ANKRD26: variants seen among roughly 807,000 people sequenced by gnomAD.
The protein encoded by ANKRD26 is ankyrin repeat domain 26.
Under a neutral mutation model 208.7 loss-of-function variants are expected in ANKRD26, and 141 were observed. That is an observed-to-expected ratio of 0.68 (90% CI 0.59 to 0.78). ANKRD26 has a LOEUF of 0.78. Ranked by LOEUF, ANKRD26 falls within the 30% of genes least tolerant of loss-of-function variation. ANKRD26 has a pLI of 0.00. For missense variants in ANKRD26, 1,889 were observed against 1,938.7 expected (o/e 0.97, Z 0.48); for synonymous variants, 636 against 660.4 (o/e 0.96, Z 0.57).
At chr10:27,053,873 T>C (rs1028707915) in intron 15 of ANKRD26, among the ~76,000 whole-genome samples, 1 of 152,244 alleles carries the variant, frequency 6.6e-6, no homozygotes, top group African/African-American at 2.4e-5. Flanking sequence ...TCTATAACAG[T>C]ATCTTTTTAA....
chr10:27,081,672 T>C (rs558573746), intron 6 of ANKRD26, among the ~76,000 whole-genome samples: 2 of 151,604 alleles, frequency 1.3e-5, no homozygotes, highest in Non-Finnish European at 2.9e-5. Flanking sequence ...CTGGCAGAAA[T>C]GGAAAAAAAT....
At chr10:27,086,208 T>C (rs1172258919) in intron 5 of ANKRD26, among the ~76,000 whole-genome samples, 13 of 152,256 alleles carry the variant, frequency 8.5e-5, no homozygotes, top group Non-Finnish European at 1.8e-4. Flanking sequence ...TTATAACAAG[T>C]CTAGTTCATT....
chr10:26,982,087 CAGA>C (rs2052317393), intron 4 of ANKRD26, among the ~76,000 whole-genome samples: 1 of 152,124 alleles, frequency 6.6e-6, no homozygotes, highest in South Asian at 2.1e-4. Context: ...GACAATATGG[CAGA>C]AGAAGCAGTC....
At chr10:26,972,017 C>T (rs1214780367), downstream of ANKRD26, among the ~76,000 whole-genome samples, 3 of 152,134 alleles carry the variant, frequency 2.0e-5, no homozygotes, top group Non-Finnish European at 2.9e-5. Flanking sequence ...GGGCGGATCA[C>T]AAAGTCAGGA....
intron 16 of ANKRD26, chr10:27,051,247 T>A: frequency 7.8e-7 from 1 of 1,289,794 alleles, no homozygotes; most frequent in Non-Finnish European, 1.0e-6. Context: ...TTATAGTTAT[T>A]AGCACTGCAA....
the ANKRD26 span, among the ~76,000 whole-genome samples, chr10:26,958,939 G>T: frequency 6.6e-6 from 1 of 152,168 alleles, no homozygotes; most frequent in Admixed American, 6.5e-5. Context: ...GTGTAAAAGT[G>T]TTCCTTTTTC....
At chr10:27,074,533 T>C (rs1275181600) in intron 9 of ANKRD26, among the ~76,000 whole-genome samples, 4 of 151,990 alleles carry the variant, frequency 2.6e-5, no homozygotes, top group Non-Finnish European at 5.9e-5. Flanking sequence ...ATACAAAAAT[T>C]AGCTGGACAT....
chr10:27,066,619 T>G, intron 10 of ANKRD26, 71 bp from the exon 11 acceptor site: 1 of 983,850 alleles, frequency 1.0e-6, no homozygotes, highest in Non-Finnish European at 1.5e-6. Flanking sequence ...CATAATTAAA[T>G]ACATATACAA....
intron 5 of ANKRD26, among the ~76,000 whole-genome samples, chr10:26,994,077 C>T (rs144080879): frequency 1.5e-3 from 224 of 152,332 alleles, no homozygotes; most frequent in African/African-American, 5.0e-3. Context: ...CTATCATACA[C>T]TAAATATAGG....
At chr10:27,047,033 T>C (rs1236200704) in intron 17 of ANKRD26, among the ~76,000 whole-genome samples, 1 of 151,968 alleles carries the variant, frequency 6.6e-6, no homozygotes, top group Non-Finnish European at 1.5e-5. Context: ...ACACTAAACT[T>C]GAATGTGACA....
In ANKRD26 at chr10:27,100,382, C is replaced by T; in HGVS notation, c.-56G>A. The stretch of plus-strand genomic sequence containing the variant: ...CATGTCTCTCTCGGCTCTTAACGGC[C>T]TCCGGAGCCCAACATAACAAGTCAG... On this transcript the variant is annotated 5_prime_UTR_variant, in exon 1 of 34. Coordinates refer to ENST00000376087, the MANE Select transcript of ANKRD26 (RefSeq NM_014915.3). The T allele has an allele frequency of 1.9e-6, 3 of 1,598,268 alleles. No homozygotes were observed. Among genetic ancestry groups the T allele is most frequent in the Non-Finnish European group, 8.5e-7 (1 of 1,179,034 alleles).
Position 27,022,688 on chromosome 10 carries a change from CT to C in ANKRD26, c.4086-2del. On this transcript the variant is annotated splice_acceptor_variant, in intron 28 of 33. Coordinates refer to ENST00000376087, the MANE Select transcript of ANKRD26 (RefSeq NM_014915.3). LOFTEE classifies it high-confidence loss of function. ...TGTCATTTTTAAGAGGTTCTTAAAT[CT>C]GCAGGAAGGTACAAAATGAGTAACT... 6.3e-7 allele frequency: 1 copy of C among 1,582,230 alleles called. No homozygotes were observed. The highest frequency in any genetic ancestry group is 1.7e-4 in the Middle Eastern group (1 of 5,864).
At chr10:26,990,470 C>T (rs746518247), downstream of ANKRD26, among the ~76,000 whole-genome samples, 24 of 152,166 alleles carry the variant, frequency 1.6e-4, no homozygotes, top group Non-Finnish European at 3.1e-4. Flanking sequence ...GTTCTTGAAC[C>T]AGTTTGGTCC....
chr10:27,075,678 C>T (rs908871886), intron 9 of ANKRD26, among the ~76,000 whole-genome samples: 3 of 152,290 alleles, frequency 2.0e-5, no homozygotes, highest in African/African-American at 7.2e-5. Flanking sequence ...CCACTGACAG[C>T]ACTAGACAGG....
rs1242530739 is a variant in ANKRD26, at chr10:27,067,303, C to A, written c.1078-17G>T. 3 of 1,609,702 alleles carry A rather than the reference C, an allele frequency of 1.9e-6. No individual in the cohort carries two copies. The highest frequency in any genetic ancestry group is 2.5e-6 in the Non-Finnish European group (3 of 1,178,802). ...TGGTTCTTCCTATTAAAAACAAAAA[C>A]AAACAAACAAAAAACTTCAGAAAAC... On this transcript the variant is annotated splice_polypyrimidine_tract_variant and intron_variant, in intron 9 of 33. Transcript: ENST00000376087.
At chr10:27,070,612 T>C (rs975352739) in intron 9 of ANKRD26, among the ~76,000 whole-genome samples, 2 of 152,044 alleles carry the variant, frequency 1.3e-5, no homozygotes, top group African/African-American at 2.4e-5. Flanking sequence ...CTGACGAGAA[T>C]ATAAAATGTC....
chr10:27,052,085 C>T (rs1439268621), intron 16 of ANKRD26: 1 of 985,168 alleles, frequency 1.0e-6, no homozygotes, highest in Non-Finnish European at 1.2e-6. Context: ...GATTAATTTG[C>T]TTGTTTTGTT....
At chr10:27,014,395 A>T in intron 31 of ANKRD26, 99 bp downstream of exon 31, 1 of 905,456 alleles carries the variant, frequency 1.1e-6, no homozygotes, top group Non-Finnish European at 1.7e-6. Context: ...TTACCTATTT[A>T]GCTTTCACTT....
chr10:27,061,144 C>T lies in ANKRD26; in HGVS notation c.1462G>A (p.Glu488Lys). 3.8e-6 allele frequency: 6 copies of T among 1,599,816 alleles called. No individual in the cohort carries two copies. Among genetic ancestry groups the T allele is most frequent in the Non-Finnish European group, 5.1e-6 (6 of 1,167,442 alleles). Residue 488 changes from glutamate (E) to lysine (K), a missense_variant and splice_region_variant, in exon 13 of 34, where the codon GAG becomes AAG. Coordinates refer to ENST00000376087, the MANE Select transcript of ANKRD26 (RefSeq NM_014915.3). Reference protein sequence around the residue: ...RNVGMPVAHMESPERYLHLKP... With the variant: ...RNVGMPVAHMKSPERYLHLKP... ...AAAAATACGCATTTTTTTTCCATAC[C>T]CATGTGGGCTACTGGCATGCCTACA...
Sources: gnomAD v4.1 joint callset for allele counts (sites outside exome capture counted in the v4.1 genomes callset) on GRCh38, gnomAD v4.1.1 for gene constraint, MANE v1.5 for transcripts, NCBI Gene and HGNC (gene_info 2026-07-23, HGNC 2026-07-21) for gene names.